ZNF407: variants seen among roughly 807,000 people sequenced by gnomAD.
The protein encoded by ZNF407 is zinc finger protein 407.
In ZNF407, 17 loss-of-function variants were observed where a neutral mutation model predicts 131.2. The ratio of observed to expected loss-of-function variants is 0.13; its 90% CI spans 0.09 to 0.19. ZNF407 has a LOEUF of 0.19. Ranked by LOEUF, ZNF407 falls within the 10% of genes least tolerant of loss-of-function variation. The pLI is 1.00. For synonymous variants in ZNF407, 1,156 were observed against 1,062.0 expected (o/e 1.09, Z -1.72); for missense variants, 2,681 against 2,830.6 (o/e 0.95, Z 1.20).
intron 7 of ZNF407, among the ~76,000 whole-genome samples, chr18:74,901,939 T>C (rs1348651330): frequency 6.6e-6 from 1 of 150,598 alleles, no homozygotes; most frequent in Non-Finnish European, 1.5e-5. Flanking sequence ...AGTTTAAAAG[T>C]GGAATATGTG....
intron 8 of ZNF407, among the ~76,000 whole-genome samples, chr18:75,036,214 A>G (rs1973306475): frequency 1.3e-5 from 2 of 152,356 alleles, no homozygotes; most frequent in African/African-American, 4.8e-5. Context: ...GAGCTTTTCA[A>G]CCTTTGCAGA....
At chr18:74,942,241 G>A (rs1206925043) in intron 8 of ZNF407, among the ~76,000 whole-genome samples, 4 of 152,238 alleles carry the variant, frequency 2.6e-5, no homozygotes, top group African/African-American at 9.6e-5. Context: ...AAGCTGTGAA[G>A]TGCGCTGCAG....
chr18:74,719,184 C>T (rs1967966698), intron 3 of ZNF407, among the ~76,000 whole-genome samples: 5 of 150,704 alleles, frequency 3.3e-5, no homozygotes, highest in Admixed American at 3.3e-4. Context: ...GTATTGGGAA[C>T]ATTCAATATC....
intron 4 of ZNF407, among the ~76,000 whole-genome samples, chr18:74,855,284 C>T (rs1970843808): frequency 6.6e-6 from 1 of 152,134 alleles, no homozygotes; most frequent in African/African-American, 2.4e-5. Flanking sequence ...TTTGAAAACA[C>T]ATTAACTTTA....
intron 3 of ZNF407, among the ~76,000 whole-genome samples, chr18:74,755,841 C>CT (rs1568200014): frequency 1.5e-5 from 2 of 131,262 alleles, no homozygotes; most frequent in African/African-American, 3.0e-5. Context: ...CCTTCCCTCC[C>CT]TCCCTTCCTC....
intron 6 of ZNF407, among the ~76,000 whole-genome samples, chr18:74,885,081 T>C (rs1420611430): frequency 6.6e-6 from 1 of 152,186 alleles, no homozygotes; most frequent in African/African-American, 2.4e-5. Context: ...ACAAAATCTT[T>C]AAATTGCTTG....
chr18:74,865,588 T>G (rs1190717828), intron 4 of ZNF407, among the ~76,000 whole-genome samples: 2 of 152,196 alleles, frequency 1.3e-5, no homozygotes, highest in African/African-American at 2.4e-5. Context: ...AGGTACATAA[T>G]AAATGATAAT....
chr18:74,893,466 G>A (rs1046517514), intron 7 of ZNF407, among the ~76,000 whole-genome samples: 5 of 152,074 alleles, frequency 3.3e-5, no homozygotes, highest in African/African-American at 4.8e-5. Context: ...CACCTTGACC[G>A]GGAGTATAAA....
chr18:74,728,040 A>G lies in ZNF407; in HGVS notation c.4803-53388A>G, dbSNP rs367906890. On this transcript the variant is annotated intron_variant, in intron 3 of 8. Coordinates refer to ENST00000299687, the MANE Select transcript of ZNF407 (RefSeq NM_017757.3). ...CTTCCTCATCCAGGACCCTTGGGGC[A>G]GATGTGGTTATTCATAGTTGTTGTT... Among the ~76,000 whole-genome samples, 37 of 152,260 alleles carry G rather than the reference A, an allele frequency of 2.4e-4. No individual in the cohort carries two copies. The East Asian group carries it at 6.2e-3, about 25-fold the overall frequency.
intron 8 of ZNF407, among the ~76,000 whole-genome samples, chr18:75,025,240 A>C (rs891579464): frequency 1.3e-5 from 2 of 152,200 alleles, no homozygotes; most frequent in Non-Finnish European, 2.9e-5. Context: ...ATATTAACTG[A>C]TATCTTTGGA....
At chr18:74,959,647 A>G (rs1008184284) in intron 8 of ZNF407, among the ~76,000 whole-genome samples, 2 of 152,188 alleles carry the variant, frequency 1.3e-5, no homozygotes, top group African/African-American at 4.8e-5. Context: ...TGCCTTTGTT[A>G]TCCTTCCAGG....
Position 74,791,754 on chromosome 18 carries a change from T to C in ZNF407, c.4877+10252T>C, listed in dbSNP as rs1400468744. Among the ~76,000 whole-genome samples the C allele has an allele frequency of 2.6e-5, 4 of 152,194 alleles. No homozygotes were observed. The East Asian group carries it at 7.7e-4, about 29-fold the overall frequency. On this transcript the variant is annotated intron_variant, in intron 4 of 8. Coordinates refer to ENST00000299687, the MANE Select transcript of ZNF407 (RefSeq NM_017757.3). ...AGCAGCATTCTATTTTGCCTTCCTT[T>C]TAAAAAGGCGTTTATCCTGTCTCCA...
At chr18:74,880,242 T>C (rs781745202) in intron 5 of ZNF407, among the ~76,000 whole-genome samples, 1 of 152,064 alleles carries the variant, frequency 6.6e-6, no homozygotes, top group Non-Finnish European at 1.5e-5. Flanking sequence ...TTTATAAACT[T>C]AGGGCACATG....
chr18:74,907,027 GCA>G (rs1358807107), intron 7 of ZNF407, among the ~76,000 whole-genome samples: 1 of 152,146 alleles, frequency 6.6e-6, no homozygotes, highest in Non-Finnish European at 1.5e-5. Context: ...ATGTGTATAT[GCA>G]CACACATACC....
chr18:74,650,299 A>C (rs534664785), intron 3 of ZNF407, among the ~76,000 whole-genome samples: 1 of 152,096 alleles, frequency 6.6e-6, no homozygotes, highest in Admixed American at 6.5e-5. Flanking sequence ...GTCTCTGTGC[A>C]TGGTATCGTT....
intron 7 of ZNF407, among the ~76,000 whole-genome samples, chr18:74,891,856 C>T (rs1971389723): frequency 6.6e-6 from 1 of 152,082 alleles, no homozygotes; most frequent in South Asian, 2.1e-4. Flanking sequence ...TTACTCTATG[C>T]ATAAGGTTTT....
chr18:74,915,562 T>G, intron 7 of ZNF407, among the ~76,000 whole-genome samples: 1 of 145,094 alleles, frequency 6.9e-6, no homozygotes, highest in African/African-American at 2.6e-5. Context: ...GGAGTGTGTG[T>G]GTGTGCATGC....
rs538148870 is a variant in ZNF407, at chr18:74,956,314, G to A, written c.5428+35622G>A. 4.3e-4 allele frequency among the ~76,000 whole-genome samples: 66 copies of A among 151,980 alleles called. 2 individuals are homozygous for A. The highest frequency in any genetic ancestry group is 7.4e-5 in the Non-Finnish European group (5 of 67,996). ...CCTTGCTGGCCTCGGTGTGGCCCAC[G>A]TGTGCCCACAACAGAGACCCTGCTC... is the stretch of plus-strand genomic sequence containing the variant. On this transcript the variant is annotated intron_variant, in intron 8 of 8. Transcript: ENST00000299687.
intron 4 of ZNF407, among the ~76,000 whole-genome samples, chr18:74,782,568 C>G (rs937973513): frequency 6.6e-6 from 1 of 151,650 alleles, no homozygotes; most frequent in Non-Finnish European, 1.5e-5. Context: ...CTCTTCTCTT[C>G]TCTTCTCTTC....
Sources: allele counts gnomAD v4.1 joint callset (sites outside exome capture counted in the v4.1 genomes callset), GRCh38; gene constraint gnomAD v4.1.1; transcripts MANE v1.5; gene names NCBI Gene and HGNC (gene_info 2026-07-23, HGNC 2026-07-21).